NLGN1: variants seen among roughly 807,000 people sequenced by gnomAD.
The protein encoded by NLGN1 is neuroligin-1.
In NLGN1, 12 loss-of-function variants were observed where a neutral mutation model predicts 65.5. The ratio of observed to expected loss-of-function variants is 0.18; its 90% CI spans 0.12 to 0.30. The LOEUF (loss-of-function observed/expected upper bound fraction) is 0.30. Ranked by LOEUF, NLGN1 falls within the 10% of genes least tolerant of loss-of-function variation. NLGN1 has a pLI of 1.00. For synonymous variants in NLGN1, 350 were observed against 359.5 expected (o/e 0.97, Z 0.30); for missense variants, 750 against 1,007.1 (o/e 0.74, Z 3.46).
At chr3:173,441,114 A>G (rs1719109542) in intron 2 of NLGN1, among the ~76,000 whole-genome samples, 1 of 152,158 alleles carries the variant, frequency 6.6e-6, no homozygotes, top group Admixed American at 6.5e-5. Context: ...TTCCTTCTGT[A>G]GTCTCCTAAC....
At chr3:173,899,803 G>A (rs1294015485) in intron 4 of NLGN1, among the ~76,000 whole-genome samples, 1 of 152,018 alleles carries the variant, frequency 6.6e-6, no homozygotes, top group African/African-American at 2.4e-5. Context: ...AAGTTTGCTT[G>A]CCCATGGACT....
rs367711269 is a variant in NLGN1, at chr3:174,273,779, C to T, written c.647-1536C>T. 1.7e-3 allele frequency among the ~76,000 whole-genome samples: 251 copies of T among 151,638 alleles called. 1 individual carries two copies. The highest frequency in any genetic ancestry group is 5.1e-3 in the African/African-American group (212 of 41,474). ...AGTTTTATTTCTTAGAATTTTTGAT[C>T]TTGTAGGAAAAGAATAACTAAGCAC... is the stretch of plus-strand genomic sequence containing the variant. On this transcript the variant is annotated intron_variant, in intron 4 of 6. Transcript: ENST00000457714.
intron 5 of NLGN1, 78 bp from the exon 6 acceptor site, chr3:174,278,783 T>G (rs1751053325): frequency 1.7e-6 from 2 of 1,162,908 alleles, no homozygotes; most frequent in East Asian, 5.2e-5. Context: ...TATATACATG[T>G]CTAAAATATC....
chr3:173,988,881 A>G (rs574117493), intron 4 of NLGN1, among the ~76,000 whole-genome samples: 1 of 152,152 alleles, frequency 6.6e-6, no homozygotes, highest in Admixed American at 6.6e-5. Flanking sequence ...TGCCATCTCT[A>G]CTTACCATCA....
intron 3 of NLGN1, 129 bp from the exon 3 acceptor site, chr3:173,605,405 C>A: frequency 2.2e-6 from 1 of 448,976 alleles, no homozygotes; most frequent in Non-Finnish European, 3.9e-6. Context: ...CATGTGCAGG[C>A]TCAACGAATT....
intron 3 of NLGN1, among the ~76,000 whole-genome samples, chr3:173,662,268 A>G (rs1050211345): frequency 6.6e-6 from 1 of 152,048 alleles, no homozygotes; most frequent in Non-Finnish European, 1.5e-5. Context: ...AAGTTAATAC[A>G]TACGGCAGTA....
intron 1 of NLGN1, among the ~76,000 whole-genome samples, chr3:173,404,902 C>A (rs527301390): frequency 3.4e-4 from 51 of 152,042 alleles, no homozygotes; most frequent in Admixed American, 9.8e-4. Context: ...GAAAGAACAC[C>A]CCAGTATTAA....
In NLGN1 at chr3:173,749,426, T is replaced by G. The variant is rs941427206; in HGVS notation, c.494-58254T>G. 3.3e-5 allele frequency among the ~76,000 whole-genome samples: 5 copies of G among 152,192 alleles called. No homozygotes were observed. In the East Asian group the frequency reaches 5.8e-4, roughly 18 times the overall value. ...TGTTCTAGCGAAATAATCTTGAAGA[T>G]ACTCTTCTAAATATAATAAGCATTT... On this transcript the variant is annotated intron_variant, in intron 3 of 6. Coordinates refer to ENST00000457714, the Ensembl canonical transcript of NLGN1.
At chr3:174,252,900 A>AAAC (rs1250748036) in intron 4 of NLGN1, among the ~76,000 whole-genome samples, 6 of 152,180 alleles carry the variant, frequency 3.9e-5, no homozygotes, top group African/African-American at 1.4e-4. Context: ...TGTCTTATTA[A>AAAC]AACTATAAAT....
chr3:173,984,304 A>G (rs1719424603), intron 4 of NLGN1, among the ~76,000 whole-genome samples: 1 of 152,122 alleles, frequency 6.6e-6, no homozygotes, highest in Non-Finnish European at 1.5e-5. Context: ...AGTTTTGTTG[A>G]GATGCTTTAC....
intron 2 of NLGN1, among the ~76,000 whole-genome samples, chr3:173,567,657 A>C (rs1743914243): frequency 6.6e-6 from 1 of 151,738 alleles, no homozygotes; most frequent in African/African-American, 2.4e-5. Flanking sequence ...AGCATATTTT[A>C]CCTAAATATT....
chr3:173,981,217 A>T (rs1482331696), intron 4 of NLGN1, among the ~76,000 whole-genome samples: 1 of 152,148 alleles, frequency 6.6e-6, no homozygotes, highest in East Asian at 1.9e-4. Context: ...CATATAAAGT[A>T]TTTAAACATT....
intron 4 of NLGN1, among the ~76,000 whole-genome samples, chr3:174,011,102 A>G (rs1181626153): frequency 6.6e-6 from 1 of 152,156 alleles, no homozygotes; most frequent in Non-Finnish European, 1.5e-5. Context: ...GGATAAAGTA[A>G]AGGTAACTGT....
At chr3:174,264,569 T>C (rs924147463) in intron 4 of NLGN1, among the ~76,000 whole-genome samples, 1 of 148,926 alleles carries the variant, frequency 6.7e-6, no homozygotes, top group Non-Finnish European at 1.5e-5. Context: ...TTGGTTATTC[T>C]AGTTATACAT....
At chr3:173,834,585 C>G (rs1421061594) in intron 4 of NLGN1, among the ~76,000 whole-genome samples, 1 of 152,114 alleles carries the variant, frequency 6.6e-6, no homozygotes, top group Non-Finnish European at 1.5e-5. Flanking sequence ...ATAATAATAA[C>G]AATGCTTACC....
intron 2 of NLGN1, among the ~76,000 whole-genome samples, chr3:173,559,679 A>G (rs1195824937): frequency 6.6e-6 from 1 of 152,238 alleles, no homozygotes; most frequent in South Asian, 2.1e-4. Context: ...TTTTTAAGGC[A>G]TGTATAAATA....
intron 4 of NLGN1, among the ~76,000 whole-genome samples, chr3:174,067,347 G>C (rs1440864096): frequency 1.3e-5 from 2 of 152,118 alleles, no homozygotes; most frequent in Non-Finnish European, 2.9e-5. Flanking sequence ...AGTCTGAACT[G>C]TAATAACTTT....
intron 2 of NLGN1, among the ~76,000 whole-genome samples, chr3:173,458,954 C>A (rs1007012592): frequency 4.6e-5 from 7 of 152,112 alleles, no homozygotes; most frequent in African/African-American, 1.7e-4. Flanking sequence ...CACTAGCAGA[C>A]GCCACTAGAG....
chr3:174,215,736 G>C (rs1737469581), intron 4 of NLGN1, among the ~76,000 whole-genome samples: 1 of 152,120 alleles, frequency 6.6e-6, no homozygotes, highest in Non-Finnish European at 1.5e-5. Context: ...AGCAAATGTA[G>C]GTCGCAGAAA....
Sources: allele counts gnomAD v4.1 joint callset (sites outside exome capture counted in the v4.1 genomes callset), GRCh38; gene constraint gnomAD v4.1.1; transcripts MANE v1.5; gene names NCBI Gene and HGNC (gene_info 2026-07-23, HGNC 2026-07-21).